The following AP2M1 variants were observed in gnomAD, a reference collection of about 807,000 sequenced individuals.
AP2M1 encodes the protein adaptor related protein complex 2 subunit mu 1.
Under a neutral mutation model 54.5 loss-of-function variants are expected in AP2M1, and 5 were observed. That is an observed-to-expected ratio of 0.09 (90% CI 0.05 to 0.19). The LOEUF is 0.19. Ranked by LOEUF, AP2M1 falls within the 10% of genes least tolerant of loss-of-function variation. The pLI is 1.00. For missense variants in AP2M1, 178 were observed against 580.2 expected (o/e 0.31, Z 7.12); for synonymous variants, 186 against 208.2 (o/e 0.89, Z 0.92).
In AP2M1 at chr3:184,181,673, A is replaced by T. The variant is rs773346740; in HGVS notation, c.708-23A>T. The stretch of plus-strand genomic sequence containing the variant: ...GCTGTCATTCTCCTGTACCAATGAG[A>T]CCTCTTCTGCCCCTGCTTGCAGCGG... On this transcript the variant is annotated intron_variant, in intron 7 of 11. Coordinates refer to ENST00000292807, the MANE Select transcript of AP2M1 (RefSeq NM_004068.4). This position sits in a 1 kb window ranked among gnomAD's most constrained non-coding sequence, Gnocchi z 5.7. 2 of 1,612,650 alleles carry T rather than the reference A, an allele frequency of 1.2e-6. No homozygotes were observed. The highest frequency in any genetic ancestry group is 1.7e-6 in the Non-Finnish European group (2 of 1,179,660).
Position 184,183,656 on chromosome 3 carries a change from C to T in AP2M1, c.*40C>T, listed in dbSNP as rs769252662. The T allele has an allele frequency of 2.6e-5, 41 of 1,606,930 alleles. No homozygotes were observed. The highest frequency in any genetic ancestry group is 3.1e-5 in the Non-Finnish European group (37 of 1,177,166). On this transcript the variant is annotated 3_prime_UTR_variant, in exon 12 of 12. Coordinates refer to ENST00000292807, the MANE Select transcript of AP2M1 (RefSeq NM_004068.4). The surrounding 1 kb of genome is among the most constrained non-coding windows in gnomAD (Gnocchi z 5.7). ...CTAGCCCACCTCCCCAGCCACCCTCCTCCACAGGTCCAGGTGCCGCTCCCT... is the reference window on the plus strand; with the variant it reads ...CTAGCCCACCTCCCCAGCCACCCTCTTCCACAGGTCCAGGTGCCGCTCCCT...
chr3:184,183,975 A>C lies in AP2M1; in HGVS notation c.*359A>C. 2 of 237,032 alleles carry C rather than the reference A, an allele frequency of 8.4e-6. No individual in the cohort carries two copies. The highest frequency in any genetic ancestry group is 8.9e-5 in the East Asian group (1 of 11,290). The allele number at this position is 237,032 out of a possible 1,614,324, so 14.7% of individuals were successfully genotyped here. ...TGCCCCTCACCTCAGAGCTCCCCCA[A>C]AGGCCAGTAATGGATCCCCGGCCTC... On this transcript the variant is annotated 3_prime_UTR_variant, in exon 12 of 12. Coordinates refer to ENST00000292807, the MANE Select transcript of AP2M1 (RefSeq NM_004068.4). The surrounding 1 kb of genome is among the most constrained non-coding windows in gnomAD (Gnocchi z 5.7).
intron 3 of AP2M1, chr3:184,179,410 C>T: frequency 2.4e-6 from 1 of 414,012 alleles, no homozygotes; most frequent in Non-Finnish European, 4.4e-6. Flanking sequence ...CATCCTCTTT[C>T]CTTTGTGGCT....
chr3:184,182,747 G>C lies in AP2M1; in HGVS notation c.1062-10G>C. ...CCCCAATGGGCTGCCCATTGTCCCT[G>C]TGTTCCCAGGATCAAGCGCATGGCA... On this transcript the variant is annotated splice_polypyrimidine_tract_variant and intron_variant, in intron 10 of 11. Coordinates refer to ENST00000292807, the MANE Select transcript of AP2M1 (RefSeq NM_004068.4). The surrounding 1 kb of genome is among the most constrained non-coding windows in gnomAD (Gnocchi z 5.5). The C allele has an allele frequency of 6.2e-7, 1 of 1,612,384 alleles. No individual in the cohort carries two copies. The highest frequency in any genetic ancestry group is 8.5e-7 in the Non-Finnish European group (1 of 1,178,604).
chr3:184,177,237 G>C (rs1715103483), intron 2 of AP2M1, among the ~76,000 whole-genome samples, 170 bp downstream of exon 2: 1 of 152,226 alleles, frequency 6.6e-6, no homozygotes. Flanking sequence ...TGGTGGTATT[G>C]GCCCGGCAGC....
intron 1 of AP2M1, among the ~76,000 whole-genome samples, chr3:184,175,399 T>A (rs1266468460): frequency 6.6e-6 from 1 of 151,458 alleles, no homozygotes; most frequent in African/African-American, 2.4e-5. Context: ...ACCCCGCGGC[T>A]CTTCTTCCTT....
chr3:184,175,701 C>T (rs1174075324), intron 1 of AP2M1, among the ~76,000 whole-genome samples: 1 of 152,174 alleles, frequency 6.6e-6, no homozygotes, highest in Non-Finnish European at 1.5e-5. Flanking sequence ...GGTCTTTCCC[C>T]TTAACTAAAT....
chr3:184,178,197 C>T lies in AP2M1; in HGVS notation c.75-660C>T. The T allele has an allele frequency of 1.3e-6, 2 of 1,535,984 alleles. No homozygotes were observed. The highest frequency in any genetic ancestry group is 2.4e-5 in the South Asian group (2 of 84,056). ...TCTTGCTGGCGTCATTTCTCTCATC[C>T]CATCTCATTGGCTGCCGTAGCAATA... is the stretch of plus-strand genomic sequence containing the variant. On this transcript the variant is annotated intron_variant, in intron 2 of 11. Coordinates refer to ENST00000292807, the MANE Select transcript of AP2M1 (RefSeq NM_004068.4). This position sits in a 1 kb window ranked among gnomAD's most constrained non-coding sequence, Gnocchi z 4.9.
Position 184,174,906 on chromosome 3 carries a change from T to C in AP2M1, c.-97T>C. On this transcript the variant is annotated 5_prime_UTR_variant, in exon 1 of 12. Coordinates refer to ENST00000292807, the MANE Select transcript of AP2M1 (RefSeq NM_004068.4). ...CAGACGAGCAGGGGGCGGGCGGACATCTTGGGATCCGGAGAGTGGCCGGGC... is the reference window on the plus strand; with the variant it reads ...CAGACGAGCAGGGGGCGGGCGGACACCTTGGGATCCGGAGAGTGGCCGGGC... 1 of 398,298 alleles carries C rather than the reference T, an allele frequency of 2.5e-6. No individual in the cohort carries two copies. The highest frequency in any genetic ancestry group is 4.4e-6 in the Non-Finnish European group (1 of 225,888). The allele number at this position is 398,298 out of a possible 1,614,324, so 24.7% of individuals were successfully genotyped here.
Position 184,181,874 on chromosome 3 carries a change from G to A in AP2M1, c.828-38G>A, listed in dbSNP as rs762986870. 1.2e-6 allele frequency: 2 copies of A among 1,613,758 alleles called. No homozygotes were observed. The highest frequency in any genetic ancestry group is 2.7e-5 in the African/African-American group (2 of 74,916). On this transcript the variant is annotated intron_variant, in intron 8 of 11. Coordinates refer to ENST00000292807, the MANE Select transcript of AP2M1 (RefSeq NM_004068.4). The surrounding 1 kb of genome is among the most constrained non-coding windows in gnomAD (Gnocchi z 5.7). ...GCTGGCAGACTGGGGAGAGGAAGTG[G>A]GTCAGCTCTTTGGTAACCTTGCTTC...
chr3:184,181,521 A>G lies in AP2M1; in HGVS notation c.708-175A>G. 1.1e-6 allele frequency: 1 copy of G among 941,864 alleles called. No individual in the cohort carries two copies. Among genetic ancestry groups the G allele is most frequent in the South Asian group, 1.7e-5 (1 of 59,404 alleles). The allele number at this position is 941,864 out of a possible 1,614,324, so 58.3% of individuals were successfully genotyped here. A position where few individuals can be genotyped will look rare whatever the true frequency, so the allele number is the denominator to read the frequency against. The stretch of plus-strand genomic sequence containing the variant: ...TCCCTAGCAGAAGGAGCCCCAAGAG[A>G]TGAGCTTGCAAGGCTTCCCTCTCAT... On this transcript the variant is annotated intron_variant, in intron 7 of 11. Transcript: ENST00000292807. This position sits in a 1 kb window ranked among gnomAD's most constrained non-coding sequence, Gnocchi z 5.7.
intron 2 of AP2M1, chr3:184,177,891 G>A: frequency 1.7e-6 from 1 of 594,096 alleles, no homozygotes; most frequent in Non-Finnish European, 3.0e-6. Context: ...TCTTCATTTG[G>A]CTCCCTGGCT....
chr3:184,175,033 C>G, intron 1 of AP2M1, 74 bp downstream of exon 1: 1 of 397,970 alleles, frequency 2.5e-6, no homozygotes, highest in Non-Finnish European at 4.4e-6. Context: ...CAGCTTTGTC[C>G]TGCCCTGCAC....
chr3:184,177,636 G>A (rs1478597404), intron 2 of AP2M1: 5 of 1,531,466 alleles, frequency 3.3e-6, no homozygotes, highest in Non-Finnish European at 3.5e-6. Context: ...GGGTCACTGT[G>A]GGAGGGCAGG....
At position 184,178,900 on chromosome 3, in the gene AP2M1, C is replaced by T. The variant is rs1167948297; in HGVS notation, c.118C>T (p.Arg40Trp). ...DAFRVNVIHA[R>W]QQVRSPVTNI... ...CTTTCGGGTCAATGTTATCCATGCC[C>T]GGCAGCAGGTGCGCAGCCCCGTCAC... The change falls in exon 3 of 12, where the codon CGG (arginine) becomes TGG (tryptophan). Residue 40 changes from arginine to tryptophan, a missense_variant. Coordinates refer to ENST00000292807, the MANE Select transcript of AP2M1 (RefSeq NM_004068.4). The surrounding 1 kb of genome is among the most constrained non-coding windows in gnomAD (Gnocchi z 4.9). 2 of 1,614,004 alleles carry T rather than the reference C, an allele frequency of 1.2e-6. No homozygotes were observed. Among genetic ancestry groups the T allele is most frequent in the Non-Finnish European group, 8.5e-7 (1 of 1,180,036 alleles).
chr3:184,178,247 C>T lies in AP2M1; in HGVS notation c.75-610C>T. ...AGGTAAGCGGCCTCTCAAGCTGCTG[C>T]CCAGGTACAGGTGGGTGGGGGCCTG... On this transcript the variant is annotated intron_variant, in intron 2 of 11. Transcript: ENST00000292807. This position sits in a 1 kb window ranked among gnomAD's most constrained non-coding sequence, Gnocchi z 4.9. 2 of 1,535,810 alleles carry T rather than the reference C, an allele frequency of 1.3e-6. No individual in the cohort carries two copies.
rs768328122 is a variant in AP2M1 at position 184,181,852 on chromosome 3, G to T, written c.827+37G>T. On this transcript the variant is annotated intron_variant, in intron 8 of 11. Transcript: ENST00000292807. The surrounding 1 kb of genome is among the most constrained non-coding windows in gnomAD (Gnocchi z 5.7). The stretch of plus-strand genomic sequence containing the variant: ...GTGTGAGGAGGCAGCTAGTGCTGCT[G>T]GCAGACTGGGGAGAGGAAGTGGGTC... 9 of 1,614,094 alleles carry T rather than the reference G, an allele frequency of 5.6e-6. No individual in the cohort carries two copies. In the South Asian group the frequency reaches 9.9e-5, roughly 18 times the overall value.
At chr3:184,175,237 A>T (rs1715026808) in intron 1 of AP2M1, 1 of 365,478 alleles carries the variant, frequency 2.7e-6, no homozygotes, top group Admixed American at 4.6e-5. Context: ...AACGCTGCGC[A>T]GCGCCCCCTC....
At position 184,182,723 on chromosome 3, in the gene AP2M1, C is replaced by T; in HGVS notation, c.1062-34C>T. On this transcript the variant is annotated intron_variant, in intron 10 of 11. Coordinates refer to ENST00000292807, the MANE Select transcript of AP2M1 (RefSeq NM_004068.4). The surrounding 1 kb of genome is among the most constrained non-coding windows in gnomAD (Gnocchi z 5.5). ...AACTGCCCTTGAAACTCCTCCAAGC[C>T]CCAATGGGCTGCCCATTGTCCCTGT... The T allele has an allele frequency of 6.3e-7, 1 of 1,584,330 alleles. No individual in the cohort carries two copies. Among genetic ancestry groups the T allele is most frequent in the African/African-American group, 1.3e-5 (1 of 74,394 alleles).
Sources: gnomAD v4.1 joint callset for allele counts (sites outside exome capture counted in the v4.1 genomes callset) on GRCh38, gnomAD v4.1.1 for gene constraint, Gnocchi (gnomAD v3.1) non-coding constraint, MANE v1.5 for transcripts, NCBI Gene and HGNC (gene_info 2026-07-23, HGNC 2026-07-21) for gene names.